Variants in ITGA10 observed in about 807,000 individuals in gnomAD.
ITGA10 encodes the protein integrin subunit alpha 10.
In ITGA10, 105 loss-of-function variants were observed where a neutral mutation model predicts 145.2. The observed-to-expected ratio is 0.72, with a 90% CI of 0.62 to 0.85. The LOEUF (loss-of-function observed/expected upper bound fraction) is 0.85. ITGA10 is among the 40% of genes least tolerant of loss of function. The pLI is 0.00. For synonymous variants in ITGA10, 506 were observed against 557.8 expected, an observed-to-expected ratio of 0.91 and a Z score of 1.31; for missense variants, 1,317 against 1,444.5, an observed-to-expected ratio of 0.91 and a Z score of 1.43.
intron 3 of ITGA10, 40 bp from the exon 4 acceptor site, chr1:145,906,864 C>A: frequency 1.4e-6 from 2 of 1,428,670 alleles, no homozygotes; most frequent in South Asian, 2.3e-5. Flanking sequence ...ATCATGGGGT[C>A]ATAGATGGGG....
chr1:145,902,060 T>G lies in ITGA10; in HGVS notation c.1150-39A>C, dbSNP rs782799265. The G allele has an allele frequency of 3.7e-6, 6 of 1,600,414 alleles. No individual in the cohort carries two copies. In the African/African-American group the frequency reaches 8.3e-5, roughly 22 times the overall value. Reference sequence around the variant, plus strand: ...GCAGATGGGGTCACTGAGAAGACAGTGGGGAATAAAGAGAAAAAAAACGTT... The same window carrying G: ...GCAGATGGGGTCACTGAGAAGACAGGGGGGAATAAAGAGAAAAAAAACGTT... On this transcript the variant is annotated intron_variant, in intron 10 of 29. Coordinates refer to ENST00000369304, the MANE Select transcript of ITGA10 (RefSeq NM_003637.5).
intron 1 of ITGA10, among the ~76,000 whole-genome samples, chr1:145,907,819 G>C (rs2101838175): frequency 7.2e-6 from 1 of 138,332 alleles, no homozygotes; most frequent in East Asian, 2.1e-4. Flanking sequence ...GCCCAGGCTG[G>C]AGTGCAGTGG....
In ITGA10 at chr1:145,900,108, T is replaced by C. The variant is rs1471636811; in HGVS notation, c.1871A>G (p.Asp624Gly). Reference protein sequence around the residue: ...SVDGRLDLDGDDLVDVAVGAQ... With the variant: ...SVDGRLDLDGGDLVDVAVGAQ... ...ACCCACAGCCACATCGACCAGATCA[T>C]CTCCATCCAGATCTAGCCGACCATC... The change falls in exon 15 of 30, where the codon GAT becomes GGT. Residue 624 changes from aspartate to glycine, a missense_variant. Physicochemically the swap from Asp to Gly is moderately conservative, Grantham distance 94. Transcript: ENST00000369304. 6.2e-7 allele frequency: 1 copy of C among 1,613,992 alleles called. No homozygotes were observed. The highest frequency in any genetic ancestry group is 1.1e-5 in the South Asian group (1 of 91,072).
Position 145,906,554 on chromosome 1 carries a change from T to A in ITGA10, c.367-46A>T, listed in dbSNP as rs199812493. The A allele has an allele frequency of 1.3e-4, 202 of 1,521,386 alleles. No individual in the cohort carries two copies. The African/African-American group carries it at 2.5e-3, about 19-fold the overall frequency. 94.2% of individuals were successfully genotyped at this position (1,521,386 alleles called of 1,614,324 possible). On this transcript the variant is annotated intron_variant, in intron 4 of 29. Coordinates refer to ENST00000369304, the MANE Select transcript of ITGA10 (RefSeq NM_003637.5). Reference sequence around the variant, plus strand: ...TACTCCCAGGCTTGGGAGGGCACCCTCAGAACATGCTCCCAGTTGAAGGAG... The same window carrying A: ...TACTCCCAGGCTTGGGAGGGCACCCACAGAACATGCTCCCAGTTGAAGGAG...
chr1:145,907,137 C>G lies in ITGA10; in HGVS notation c.178G>C (p.Ala60Pro). 6.4e-7 allele frequency: 1 copy of G among 1,560,096 alleles called. No homozygotes were observed. The highest frequency in any genetic ancestry group is 8.7e-7 in the Non-Finnish European group (1 of 1,151,418). The change falls in exon 3 of 30, where the codon GCC becomes CCC. Residue 60 changes from alanine (A) to proline (P), a missense_variant. By Grantham distance (27) the Ala-to-Pro change is conservative. Transcript: ENST00000369304. ...TCGCCTGAAGGCCCATCCCAGGGGGCGCCCACCAGCATCCTGGGAAGAGGA... is the reference window on the plus strand; with the variant it reads ...TCGCCTGAAGGCCCATCCCAGGGGGGGCCCACCAGCATCCTGGGAAGAGGA... The part of the protein sequence containing the change: ...GGGQRWMLVG[A>P]PWDGPSGDRR...
At position 145,897,634 on chromosome 1, in the gene ITGA10, G is replaced by T. The variant is rs1553745726; in HGVS notation, c.2452C>A (p.Arg818=). 1 of 1,614,062 alleles carries T rather than the reference G, an allele frequency of 6.2e-7. No individual in the cohort carries two copies. Among genetic ancestry groups the T allele is most frequent in the South Asian group, 1.1e-5 (1 of 91,078 alleles). The change falls in exon 20 of 30, where the codon CGA becomes AGA. Residue 818 remains arginine (R), a synonymous_variant. Coordinates refer to ENST00000369304, the MANE Select transcript of ITGA10 (RefSeq NM_003637.5). ...ACCAGCACTTTCCGCCGGCCACCTC[G>T]AACCACAAATGGGGCCTTCCTGGGA... The part of the protein sequence containing the change: ...RGSRKAPFVV[R]GGRRKVLVST...
chr1:145,896,469 G>A (rs966563221), intron 23 of ITGA10, 117 bp from the exon 24 acceptor site: 4 of 798,396 alleles, frequency 5.0e-6, no homozygotes, highest in South Asian at 1.4e-5. Context: ...TGGATAAAGA[G>A]GTGGGGGTAC....
At position 145,904,513 on chromosome 1, in the gene ITGA10, C is replaced by T. The variant is rs587763756; in HGVS notation, c.609+171G>A. Among the ~76,000 whole-genome samples, 8 of 152,108 alleles carry T rather than the reference C, an allele frequency of 5.3e-5. No individual in the cohort carries two copies. In the South Asian group the frequency reaches 6.2e-4, roughly 12 times the overall value. ...CCTCCTGAGTAGCTGGGACTGTAGG[C>T]GCATGCCACCATGCCTGGCTATTTT... On this transcript the variant is annotated intron_variant, in intron 6 of 29. Transcript: ENST00000369304.
chr1:145,897,072 C>CT lies in ITGA10; in HGVS notation c.2682dup (p.Glu895ArgfsTer3). ...AGAGAGGAGCAGCTAAACTCAAACTCTAGCAGAAAGGTCACCTAGGGGCAG... is the reference window on the plus strand; with the variant it reads ...AGAGAGGAGCAGCTAAACTCAAACTCTTAGCAGAAAGGTCACCTAGGGGCAG... On this transcript the variant is annotated frameshift_variant, in exon 22 of 30. Transcript: ENST00000369304. LOFTEE classifies it high-confidence loss of function. The CT allele has an allele frequency of 6.2e-7, 1 of 1,614,040 alleles. No individual in the cohort carries two copies. The highest frequency in any genetic ancestry group is 8.5e-7 in the Non-Finnish European group (1 of 1,179,932).
Position 145,897,008 on chromosome 1 carries a change from C to G in ITGA10, c.2744+3G>C. ...TCTGGAAGAAAGTTCCCTTCATTCT[C>G]ACCTGCTGGCAGTCAGCTTCACGAA... On this transcript the variant is annotated splice_donor_region_variant and intron_variant, in intron 22 of 29. Coordinates refer to ENST00000369304, the MANE Select transcript of ITGA10 (RefSeq NM_003637.5). 1 of 1,613,550 alleles carries G rather than the reference C, an allele frequency of 6.2e-7. No individual in the cohort carries two copies. The highest frequency in any genetic ancestry group is 2.2e-5 in the East Asian group (1 of 44,888).
Position 145,901,160 on chromosome 1 carries a change from C to G in ITGA10, c.1562G>C (p.Arg521Pro). The G allele has an allele frequency of 6.2e-7, 1 of 1,614,104 alleles. No homozygotes were observed. Among genetic ancestry groups the G allele is most frequent in the Non-Finnish European group, 8.5e-7 (1 of 1,180,016 alleles). The change falls in exon 13 of 30, where the codon CGT becomes CCT. Residue 521 changes from arginine to proline, a missense_variant. Coordinates refer to ENST00000369304, the MANE Select transcript of ITGA10 (RefSeq NM_003637.5). The surrounding 1 kb of genome is among the most constrained non-coding windows in gnomAD (Gnocchi z 4.3). ...CTGGCCTACCAGATACACATAAACA[C>G]GTCCTGTTTCCTTGTTCTGGGGTCC... is the stretch of plus-strand genomic sequence containing the variant. ...FLGPQNKETG[R>P]VYVYLVGQQS... is the part of the protein sequence containing the mutation.
Position 145,901,680 on chromosome 1 carries a change from G to A in ITGA10, c.1295-16C>T, listed in dbSNP as rs782532632. 6.5e-7 allele frequency: 1 copy of A among 1,545,404 alleles called. No homozygotes were observed. Among genetic ancestry groups the A allele is most frequent in the Non-Finnish European group, 8.7e-7 (1 of 1,147,694 alleles). Reference sequence around the variant, plus strand: ...ACAGAGTAACCTAGAAGTGGGCAAAGTAACAGAGGTAAAGGAAAAGAAGAT... The same window carrying A: ...ACAGAGTAACCTAGAAGTGGGCAAAATAACAGAGGTAAAGGAAAAGAAGAT... On this transcript the variant is annotated splice_polypyrimidine_tract_variant and intron_variant, in intron 11 of 29. Coordinates refer to ENST00000369304, the MANE Select transcript of ITGA10 (RefSeq NM_003637.5). The surrounding 1 kb of genome is among the most constrained non-coding windows in gnomAD (Gnocchi z 4.3).
At chr1:145,900,565 G>T (rs1553747660) in intron 14 of ITGA10, among the ~76,000 whole-genome samples, 2 of 152,112 alleles carry the variant, frequency 1.3e-5, no homozygotes, top group African/African-American at 4.8e-5. Flanking sequence ...ACCCGGCCAT[G>T]CCTTGCTCTT....
At chr1:145,897,148 C>G (rs1655527739) in intron 21 of ITGA10, 61 bp from the exon 22 acceptor site, 3 of 1,562,810 alleles carry the variant, frequency 1.9e-6, no homozygotes, top group Non-Finnish European at 2.6e-6. Flanking sequence ...TACAGAGGAA[C>G]AGGAGCCCTT....
chr1:145,903,300 CT>C (rs2101811152), intron 7 of ITGA10, among the ~76,000 whole-genome samples: 1 of 152,210 alleles, frequency 6.6e-6, no homozygotes, highest in South Asian at 2.1e-4. Flanking sequence ...AAAGAATGAT[CT>C]GGGCAGGGAC....
rs1553750212 is a variant in ITGA10, at chr1:145,904,091, C to T, written c.719G>A (p.Gly240Glu). The stretch of plus-strand genomic sequence containing the variant: ...TGCTTGGGCAGTCTTTGTTTCTCGT[C>T]CCTCCCGCCGACTGAGGTTCTTTGC... ...RAAKNLSRRE[G>E]RETKTAQAIM... Residue 240 changes from glycine to glutamate, a missense_variant, in exon 7 of 30, where the codon GGA (glycine) becomes GAA (glutamate). Transcript: ENST00000369304. 6.2e-7 allele frequency: 1 copy of T among 1,614,104 alleles called. No individual in the cohort carries two copies. Among genetic ancestry groups the T allele is most frequent in the Non-Finnish European group, 8.5e-7 (1 of 1,180,008 alleles).
rs1656419266 is a variant in ITGA10, at chr1:145,902,088, A to G, written c.1150-67T>C. ...GGAATAAAGAGAAAAAAAACGTTCC[A>G]GGAGTGAAAAGATCACTGAGGGTCT... On this transcript the variant is annotated intron_variant, in intron 10 of 29. Transcript: ENST00000369304. 1.3e-5 allele frequency: 20 copies of G among 1,599,776 alleles called. No homozygotes were observed. The Middle Eastern group carries it at 1.0e-3, about 80-fold the overall frequency.
chr1:145,908,024 C>A (rs1419185812), intron 1 of ITGA10, among the ~76,000 whole-genome samples: 1 of 152,022 alleles, frequency 6.6e-6, no homozygotes, highest in Non-Finnish European at 1.5e-5. Context: ...CCCGCCTCGG[C>A]CTCCCAAAGT....
At chr1:145,906,640 A>G in intron 4 of ITGA10, 93 bp downstream of exon 4, 3 of 1,272,424 alleles carry the variant, frequency 2.4e-6, no homozygotes, top group Non-Finnish European at 3.4e-6. Context: ...TAACTCCTTG[A>G]CCCCTCCACA....
Sources: gnomAD v4.1 joint callset for allele counts (sites outside exome capture counted in the v4.1 genomes callset) on GRCh38, gnomAD v4.1.1 for gene constraint, Gnocchi (gnomAD v3.1) non-coding constraint, MANE v1.5 for transcripts, NCBI Gene and HGNC (gene_info 2026-07-23, HGNC 2026-07-21) for gene names.